Variants in SGCD observed in about 807,000 individuals in gnomAD.
The protein encoded by SGCD is sarcoglycan delta.
In SGCD, 18 loss-of-function variants were observed where a neutral mutation model predicts 36.6. The observed-to-expected ratio is 0.49, with a 90% CI of 0.34 to 0.73. The LOEUF (loss-of-function observed/expected upper bound fraction) is 0.73, where lower values mean the gene tolerates loss of function less well. Among genes scored for constraint, SGCD ranks in the 30% least tolerant of loss-of-function variants. SGCD has a pLI of 0.01. For missense variants in SGCD, 387 were observed against 346.7 expected, an observed-to-expected ratio of 1.12 and a Z score of -0.92; for synonymous variants, 133 against 130.6, an observed-to-expected ratio of 1.02 and a Z score of -0.12.
At chr5:156,149,060 T>C (rs1284045754) in intron 3 of SGCD, among the ~76,000 whole-genome samples, 1 of 152,196 alleles carries the variant, frequency 6.6e-6, no homozygotes, top group African/African-American at 2.4e-5. Flanking sequence ...GTTTAACTTA[T>C]ACATTCATCA....
intron 7 of SGCD, among the ~76,000 whole-genome samples, chr5:156,660,054 T>G (rs1391074941): frequency 1.3e-5 from 2 of 148,246 alleles, no homozygotes; most frequent in Non-Finnish European, 3.0e-5. Context: ...GGGGCAAGGT[T>G]TCCCTTTAGG....
chr5:155,790,015 C>T, the SGCD span, among the ~76,000 whole-genome samples: 3 of 151,838 alleles, frequency 2.0e-5, no homozygotes, highest in Admixed American at 1.3e-4. Flanking sequence ...ATTCAGAGAG[C>T]AATAAGGATC....
chr5:155,878,045 A>G (rs1580966581), intron 1 of SGCD, among the ~76,000 whole-genome samples: 1 of 152,110 alleles, frequency 6.6e-6, no homozygotes, highest in Non-Finnish European at 1.5e-5. Flanking sequence ...CACAGAGGGA[A>G]GGAGCCATTA....
chr5:156,363,388 A>G (rs1769912763), intron 3 of SGCD, among the ~76,000 whole-genome samples: 1 of 152,172 alleles, frequency 6.6e-6, no homozygotes, highest in South Asian at 2.1e-4. Flanking sequence ...GCAGTGAAAA[A>G]AGTATAACAT....
intron 1 of SGCD, among the ~76,000 whole-genome samples, chr5:155,911,179 A>G (rs551140518): frequency 1.3e-5 from 2 of 152,122 alleles, no homozygotes; most frequent in South Asian, 2.1e-4. Flanking sequence ...GTTGACCACC[A>G]TCTTCAAATA....
At chr5:156,282,001 A>G (rs1229682244) in intron 3 of SGCD, among the ~76,000 whole-genome samples, 1 of 151,946 alleles carries the variant, frequency 6.6e-6, no homozygotes, top group Non-Finnish European at 1.5e-5. Flanking sequence ...ACTGCACTCT[A>G]GCCTGGGGGA....
intron 3 of SGCD, among the ~76,000 whole-genome samples, chr5:156,493,194 A>G (rs1270412104): frequency 6.6e-6 from 1 of 152,178 alleles, no homozygotes; most frequent in African/African-American, 2.4e-5. Context: ...TATACATTGG[A>G]GAATGGCTGA....
At chr5:156,475,315 C>T (rs1412246294) in intron 3 of SGCD, among the ~76,000 whole-genome samples, 1 of 152,174 alleles carries the variant, frequency 6.6e-6, no homozygotes, top group Non-Finnish European at 1.5e-5. Context: ...GCTGGCTTCC[C>T]CTCCCCACAA....
chr5:156,495,369 T>C (rs755395473), intron 3 of SGCD, among the ~76,000 whole-genome samples: 1 of 152,146 alleles, frequency 6.6e-6, no homozygotes, highest in Non-Finnish European at 1.5e-5. Context: ...GGTGTACGCA[T>C]ACTAGCTTTC....
intron 1 of SGCD, among the ~76,000 whole-genome samples, chr5:156,065,488 C>T (rs1198467726): frequency 1.0e-5 from 1 of 95,718 alleles, no homozygotes; most frequent in Non-Finnish European, 2.0e-5. Flanking sequence ...TCCTGGGTAT[C>T]CTTGTTGACT....
chr5:156,408,592 C>G (rs942898668), intron 3 of SGCD, among the ~76,000 whole-genome samples: 5 of 152,198 alleles, frequency 3.3e-5, no homozygotes, highest in African/African-American at 1.2e-4. Context: ...CTCCTGACCT[C>G]AGGTGATCCA....
At chr5:155,832,307 T>C in the SGCD span, among the ~76,000 whole-genome samples, 10 of 152,304 alleles carry the variant, frequency 6.6e-5, no homozygotes, top group Non-Finnish European at 1.3e-4. Flanking sequence ...AGATGAATGA[T>C]CCACTCCCTC....
chr5:156,241,650 C>T (rs1013594403), intron 3 of SGCD, among the ~76,000 whole-genome samples: 1 of 152,130 alleles, frequency 6.6e-6, no homozygotes, highest in Non-Finnish European at 1.5e-5. Flanking sequence ...CATCTGAGGA[C>T]TTAACATTCA....
intron 1 of SGCD, among the ~76,000 whole-genome samples, chr5:155,985,081 C>A (rs1193835446): frequency 6.6e-6 from 1 of 152,158 alleles, no homozygotes; most frequent in Non-Finnish European, 1.5e-5. Flanking sequence ...TTGGATAAGT[C>A]CCCCATTAGT....
chr5:156,605,831 A>G (rs1298843136), intron 6 of SGCD, among the ~76,000 whole-genome samples: 2 of 152,052 alleles, frequency 1.3e-5, no homozygotes, highest in African/African-American at 4.8e-5. Flanking sequence ...GTGTCTTTTG[A>G]CTGCATAAAT....
At chr5:156,757,847 G>T in intron 8 of SGCD, 143 bp downstream of exon 8, 1 of 1,344,490 alleles carries the variant, frequency 7.4e-7, no homozygotes, top group South Asian at 2.4e-5. Flanking sequence ...ACAATTAATT[G>T]AGCAGCATGA....
intron 4 of SGCD, among the ~76,000 whole-genome samples, chr5:156,581,618 C>T (rs936628571): frequency 1.3e-5 from 2 of 152,210 alleles, no homozygotes; most frequent in African/African-American, 4.8e-5. Flanking sequence ...CTACTCAAGC[C>T]TCAGCAATGG....
intron 1 of SGCD, among the ~76,000 whole-genome samples, chr5:155,900,579 C>A (rs899565278): frequency 2.8e-5 from 4 of 141,026 alleles, no homozygotes; most frequent in African/African-American, 7.8e-5. Flanking sequence ...CCCCCCTCCC[C>A]CCACTCCACA....
intron 4 of SGCD, among the ~76,000 whole-genome samples, chr5:156,521,055 C>T (rs1380970135): frequency 7.0e-6 from 1 of 142,700 alleles, no homozygotes; most frequent in Non-Finnish European, 1.5e-5. Flanking sequence ...CACACATCTA[C>T]AACCATCTGA....
Sources: gnomAD v4.1 joint callset for allele counts (sites outside exome capture counted in the v4.1 genomes callset) on GRCh38, gnomAD v4.1.1 for gene constraint, MANE v1.5 for transcripts, NCBI Gene and HGNC (gene_info 2026-07-23, HGNC 2026-07-21) for gene names.